EPHA7: variants seen among roughly 807,000 people sequenced by gnomAD.
The protein encoded by EPHA7 is EPH receptor A7, also known as ephrin type-A receptor 7.
EPHA7 carries 25 observed loss-of-function variants against 112.6 expected under a neutral mutation model. The observed-to-expected ratio is 0.22, with a 90% CI of 0.16 to 0.31. The LOEUF is 0.31. EPHA7 is among the 10% of genes least tolerant of loss of function. The probability of loss-of-function intolerance (pLI) is 1.00; values close to 1 mark genes in which losing one functional copy is unlikely to be tolerated. For synonymous variants in EPHA7, 437 were observed against 406.5 expected, an observed-to-expected ratio of 1.07 and a Z score of -0.90; for missense variants, 962 against 1,212.6, an observed-to-expected ratio of 0.79 and a Z score of 3.07.
chr6:93,279,343 T>C (rs1182713379), intron 5 of EPHA7, among the ~76,000 whole-genome samples: 1 of 152,182 alleles, frequency 6.6e-6, no homozygotes, highest in Non-Finnish European at 1.5e-5. Flanking sequence ...TATTCCATTA[T>C]ACATATGCAC....
chr6:93,339,253 T>C (rs1269955831), intron 5 of EPHA7, among the ~76,000 whole-genome samples: 1 of 151,754 alleles, frequency 6.6e-6, no homozygotes, highest in East Asian at 1.9e-4. Context: ...TATTTAAAAG[T>C]GTCAACATTA....
rs771926665 is a variant in EPHA7 at position 93,349,905 on chromosome 6, CAAAT to C, written c.1324+6808_1324+6811del. Among the ~76,000 whole-genome samples, 14 of 151,816 alleles carry C rather than the reference CAAAT, an allele frequency of 9.2e-5. No individual in the cohort carries two copies. In the East Asian group the frequency reaches 9.7e-4, roughly 11 times the overall value. On this transcript the variant is annotated intron_variant, in intron 5 of 16. Transcript: ENST00000369303. ...TTCATGTGAGTGAAGCTACTTCTGA[CAAAT>C]AAAGAAAATGATTGTTGGTTTTGTC...
At chr6:93,321,726 T>G (rs1204175418) in intron 5 of EPHA7, among the ~76,000 whole-genome samples, 1 of 151,894 alleles carries the variant, frequency 6.6e-6, no homozygotes, top group Non-Finnish European at 1.5e-5. Flanking sequence ...TCCAGGTCCC[T>G]GTGGTCCACA....
intron 3 of EPHA7, among the ~76,000 whole-genome samples, chr6:93,362,259 T>C (rs544349904): frequency 6.6e-6 from 1 of 152,152 alleles, no homozygotes; most frequent in South Asian, 2.1e-4. Flanking sequence ...GAAACTTCTA[T>C]ATACCAGAGT....
chr6:93,414,776 G>GA lies in EPHA7; in HGVS notation c.98-10dup. On this transcript the variant is annotated splice_polypyrimidine_tract_variant and intron_variant, in intron 1 of 16. Coordinates refer to ENST00000369303, the MANE Select transcript of EPHA7 (RefSeq NM_004440.4). Reference sequence around the variant, plus strand: ...AGAATCCAGCAGTAGTACTGAAAAAGAAAGTTGTATTTCCATATGTTACAT... The same window carrying GA: ...AGAATCCAGCAGTAGTACTGAAAAAGAAAAGTTGTATTTCCATATGTTACAT... 4.3e-6 allele frequency: 7 copies of GA among 1,611,078 alleles called. No individual in the cohort carries two copies. Among genetic ancestry groups the GA allele is most frequent in the Non-Finnish European group, 5.9e-6 (7 of 1,178,328 alleles).
intron 5 of EPHA7, among the ~76,000 whole-genome samples, chr6:93,283,027 C>A (rs1447581505): frequency 6.6e-6 from 1 of 152,202 alleles, no homozygotes; most frequent in Non-Finnish European, 1.5e-5. Flanking sequence ...GCTCCACCTG[C>A]GGCCCCGGTG....
chr6:93,262,738 G>T lies in EPHA7; in HGVS notation c.1798+1122C>A, dbSNP rs1406785807. Among the ~76,000 whole-genome samples, 5 of 151,120 alleles carry T rather than the reference G, an allele frequency of 3.3e-5. No homozygotes were observed. In the South Asian group the frequency reaches 1.0e-3, roughly 31 times the overall value. On this transcript the variant is annotated intron_variant, in intron 9 of 16. Coordinates refer to ENST00000369303, the MANE Select transcript of EPHA7 (RefSeq NM_004440.4). ...TTTTGAAAACTAAAGGTAACTGTTG[G>T]TTCAAAAATACAAACACATTGAGAA...
At position 93,419,272 on chromosome 6, in the gene EPHA7, T is replaced by G. The variant is rs752294486; in HGVS notation, c.70A>C (p.Thr24Pro). ...CYIWLLRFAH[T>P]GEAQAAKEVL... The stretch of plus-strand genomic sequence containing the variant: ...TCCTTCGCAGCCTGCGCCTCCCCTG[T>G]GTGTGCAAAGCGGAGCAGCCAGATG... The change falls in exon 1 of 17, where the codon ACA becomes CCA. Residue 24 changes from threonine (T) to proline (P), a missense_variant. Around this residue, in one of 3 missense-constraint regions of EPHA7, gnomAD observed 56 missense variants for 59.9 expected, o/e 0.94. Transcript: ENST00000369303. The G allele has an allele frequency of 6.2e-7, 1 of 1,613,802 alleles. No individual in the cohort carries two copies. Among genetic ancestry groups the G allele is most frequent in the Non-Finnish European group, 8.5e-7 (1 of 1,179,908 alleles).
At chr6:93,274,696 G>C (rs941251404) in intron 5 of EPHA7, among the ~76,000 whole-genome samples, 2 of 151,908 alleles carry the variant, frequency 1.3e-5, no homozygotes, top group Non-Finnish European at 1.5e-5. Flanking sequence ...AGAAACGGAA[G>C]CACTAGCACA....
intron 5 of EPHA7, among the ~76,000 whole-genome samples, chr6:93,348,471 T>TTTATATCA (rs758360585): frequency 3.4e-4 from 52 of 151,988 alleles, no homozygotes; most frequent in Non-Finnish European, 6.9e-4. Flanking sequence ...ATTAATTATA[T>TTTATATCA]TTTCAACAAG....
intron 5 of EPHA7, among the ~76,000 whole-genome samples, chr6:93,312,424 C>T (rs117624788): frequency 1.3e-5 from 2 of 151,704 alleles, no homozygotes; most frequent in Non-Finnish European, 2.9e-5. Flanking sequence ...TTAAGTCTCA[C>T]GAACCTACCC....
At chr6:93,358,506 G>A in intron 3 of EPHA7, 95 bp from the exon 4 acceptor site, 1 of 1,040,270 alleles carries the variant, frequency 9.6e-7, no homozygotes, top group South Asian at 1.9e-5. Flanking sequence ...AATATTAAAT[G>A]TGATGTATGT....
chr6:93,361,897 A>G (rs557814918), intron 3 of EPHA7, among the ~76,000 whole-genome samples: 1 of 152,230 alleles, frequency 6.6e-6, no homozygotes, highest in East Asian at 1.9e-4. Flanking sequence ...TACAAAATAT[A>G]GCATTGTAAC....
At chr6:93,289,649 A>G (rs1253743610) in intron 5 of EPHA7, among the ~76,000 whole-genome samples, 3 of 152,128 alleles carry the variant, frequency 2.0e-5, no homozygotes, top group African/African-American at 7.2e-5. Flanking sequence ...TAAAAAAATA[A>G]GAAAGTATGT....
chr6:93,257,531 TAAAAAA>T lies in EPHA7; in HGVS notation c.2111-14_2111-9del. 1.5e-6 allele frequency: 2 copies of T among 1,305,194 alleles called. No homozygotes were observed. The highest frequency in any genetic ancestry group is 2.1e-6 in the Non-Finnish European group (2 of 957,984). 80.9% of individuals were successfully genotyped at this position (1,305,194 alleles called of 1,614,324 possible). On this transcript the variant is annotated splice_polypyrimidine_tract_variant and intron_variant, in intron 11 of 16. Coordinates refer to ENST00000369303, the MANE Select transcript of EPHA7 (RefSeq NM_004440.4). ...CTATCATGACTGGTTTCCCTAAAAT[TAAAAAA>T]AAAAAGTTTCAGGAGTCGTAACCTG...
rs749663564 is a variant in EPHA7 at position 93,254,802 on chromosome 6, A to G, written c.2383-6T>C. 1.3e-4 allele frequency: 202 copies of G among 1,608,172 alleles called. No homozygotes were observed. The highest frequency in any genetic ancestry group is 1.7e-4 in the Non-Finnish European group (198 of 1,176,826). ...CTTACTGGAATTTTTCCACCCTGTT[A>G]TAAAAAGAAATGAACATTTTAAATA... On this transcript the variant is annotated splice_region_variant and splice_polypyrimidine_tract_variant and intron_variant, in intron 13 of 16. Coordinates refer to ENST00000369303, the MANE Select transcript of EPHA7 (RefSeq NM_004440.4).
intron 3 of EPHA7, among the ~76,000 whole-genome samples, chr6:93,368,221 T>C (rs931005135): frequency 5.3e-5 from 8 of 152,134 alleles, no homozygotes; most frequent in African/African-American, 1.9e-4. Flanking sequence ...ATATAAATTA[T>C]AAACATTGTA....
intron 5 of EPHA7, among the ~76,000 whole-genome samples, chr6:93,327,514 T>C (rs1486338860): frequency 4.0e-5 from 6 of 151,668 alleles, no homozygotes; most frequent in East Asian, 1.9e-4. Context: ...ATCTTAAACA[T>C]AGCATGACAG....
At position 93,389,171 on chromosome 6, in the gene EPHA7, A is replaced by G. The variant is rs550760198; in HGVS notation, c.832+21330T>C. On this transcript the variant is annotated intron_variant, in intron 3 of 16. Coordinates refer to ENST00000369303, the MANE Select transcript of EPHA7 (RefSeq NM_004440.4). ...AAACCCAGAAAGCAATTCTTAGAAT[A>G]ACAATTGTAGCTAACATTTATTGAT... Among the ~76,000 whole-genome samples the G allele has an allele frequency of 8.5e-5, 13 of 152,228 alleles. No homozygotes were observed. In the South Asian group the frequency reaches 2.7e-3, roughly 32 times the overall value.
Sources: allele counts gnomAD v4.1 joint callset (sites outside exome capture counted in the v4.1 genomes callset), GRCh38; gene constraint gnomAD v4.1.1; regional missense constraint gnomAD v4.1.1; transcripts MANE v1.5; gene names NCBI Gene and HGNC (gene_info 2026-07-23, HGNC 2026-07-21).